The following DPP6 variants were observed in gnomAD, a reference collection of about 807,000 sequenced individuals.
DPP6 encodes the protein A-type potassium channel modulatory protein DPP6.
Under a neutral mutation model 122.6 loss-of-function variants are expected in DPP6, and 69 were observed. The observed-to-expected ratio is 0.56, with a 90% confidence interval of 0.46 to 0.69. DPP6 has a LOEUF of 0.69. Ranked by LOEUF, DPP6 falls within the 30% of genes least tolerant of loss-of-function variation. DPP6 has a pLI of 0.00. For missense variants in DPP6, 928 were observed against 1,116.9 expected, an observed-to-expected ratio of 0.83 and a Z score of 2.41; for synonymous variants, 418 against 433.1, an observed-to-expected ratio of 0.97 and a Z score of 0.43.
intron 1 of DPP6, among the ~76,000 whole-genome samples, chr7:154,198,842 G>T (rs1344816934): frequency 6.6e-6 from 1 of 152,130 alleles, no homozygotes; most frequent in Non-Finnish European, 1.5e-5. Flanking sequence ...TTGGATGAGG[G>T]CCTGACGAGG....
intron 3 of DPP6, among the ~76,000 whole-genome samples, chr7:154,499,466 T>C (rs1431935352): frequency 1.3e-5 from 2 of 152,160 alleles, no homozygotes; most frequent in Non-Finnish European, 1.5e-5. Context: ...GTCCCTGCAG[T>C]GTGAGGCCAA....
intron 1 of DPP6, among the ~76,000 whole-genome samples, chr7:154,147,293 C>T (rs1360090079): frequency 6.6e-6 from 1 of 152,182 alleles, no homozygotes; most frequent in African/African-American, 2.4e-5. Flanking sequence ...AGTTCTCATT[C>T]TCTCGTCCAG....
chr7:154,645,145 C>A (rs1836374307), intron 6 of DPP6, among the ~76,000 whole-genome samples: 1 of 149,526 alleles, frequency 6.7e-6, no homozygotes, highest in Admixed American at 6.7e-5. Flanking sequence ...TCACTGCAAG[C>A]TCCGCCTCCC....
rs187001051 is a variant in DPP6 at position 154,711,981 on chromosome 7, G to A, written c.763-15786G>A. ...ACACACACACTCTTCTTCTCAGTAA[G>A]TTACCTGGAAGTTGTACTAATCTTT... On this transcript the variant is annotated intron_variant, in intron 7 of 25. Transcript: ENST00000377770. Among the ~76,000 whole-genome samples, 537 of 135,524 alleles carry A rather than the reference G, an allele frequency of 4.0e-3. 6 individuals are homozygous for A. The highest frequency in any genetic ancestry group is 0.014 in the African/African-American group (508 of 35,964). The allele number at this position is 135,524 out of a possible 152,430, so 88.9% of individuals were successfully genotyped here.
At position 154,605,239 on chromosome 7, in the gene DPP6, C is replaced by A. The variant is rs1833551350; in HGVS notation, c.628-32582C>A. On this transcript the variant is annotated intron_variant, in intron 5 of 25. Transcript: ENST00000377770. ...CAACCTTGATTATATTCCTAAAATACACCTTATTTAAATATGTTATTCTTT... is the reference window on the plus strand; with the variant it reads ...CAACCTTGATTATATTCCTAAAATAAACCTTATTTAAATATGTTATTCTTT... Among the ~76,000 whole-genome samples the A allele has an allele frequency of 1.7e-5, 2 of 119,552 alleles. 1 individual carries two copies. The highest frequency in any genetic ancestry group is 6.8e-4 in the South Asian group (2 of 2,942). The allele number at this position is 119,552 out of a possible 152,430, so 78.4% of individuals were successfully genotyped here. A position where few individuals can be genotyped will look rare whatever the true frequency, so the allele number is the denominator to read the frequency against.
At chr7:154,881,337 G>A (rs1347984462) in intron 21 of DPP6, among the ~76,000 whole-genome samples, 2 of 152,240 alleles carry the variant, frequency 1.3e-5, no homozygotes, top group African/African-American at 4.8e-5. Flanking sequence ...TTAGACGGAA[G>A]CACAGGTGTG....
chr7:154,256,222 A>T (rs764544729), intron 1 of DPP6, among the ~76,000 whole-genome samples: 18 of 152,350 alleles, frequency 1.2e-4, no homozygotes, highest in Middle Eastern at 3.4e-3. Context: ...ATTGGCTTTT[A>T]AAAAAGTCCA....
intron 1 of DPP6, among the ~76,000 whole-genome samples, chr7:154,060,299 C>T (rs1386838702): frequency 3.4e-5 from 4 of 117,320 alleles, no homozygotes; most frequent in Admixed American, 8.2e-5. Context: ...TCCCTCTTCC[C>T]CCCCTGGCTC....
chr7:154,670,281 T>G (rs886681167), intron 7 of DPP6, among the ~76,000 whole-genome samples: 1 of 152,210 alleles, frequency 6.6e-6, no homozygotes, highest in Non-Finnish European at 1.5e-5. Flanking sequence ...GCTATCTTCA[T>G]GGATTCCTTC....
intron 1 of DPP6, among the ~76,000 whole-genome samples, chr7:154,329,085 T>C (rs868738585): frequency 2.0e-5 from 3 of 152,248 alleles, no homozygotes; most frequent in Non-Finnish European, 4.4e-5. Flanking sequence ...TAGCCCTACT[T>C]ATCTCTTAAG....
At chr7:154,245,141 T>C (rs1373357005) in intron 1 of DPP6, among the ~76,000 whole-genome samples, 1 of 151,210 alleles carries the variant, frequency 6.6e-6, no homozygotes, top group African/African-American at 2.4e-5. Flanking sequence ...TTGGTAGAGA[T>C]GGGGTTTCAA....
intron 7 of DPP6, among the ~76,000 whole-genome samples, chr7:154,713,042 T>C (rs1043444419): frequency 4.6e-5 from 7 of 152,232 alleles, no homozygotes; most frequent in African/African-American, 1.7e-4. Flanking sequence ...TGGGTAAATA[T>C]ACCCATTCCA....
rs979300536 is a variant in DPP6, at chr7:154,483,735, C to T, written c.457+8698C>T. On this transcript the variant is annotated intron_variant, in intron 3 of 25. Transcript: ENST00000377770. The surrounding 1 kb of genome is among the most constrained non-coding windows in gnomAD (Gnocchi z 8.1). ...TTTGAGACGGAGTCTCGCTCTGTCG[C>T]CCAGGCTGGAGTGCAGTGGCACAAT... is the stretch of plus-strand genomic sequence containing the variant. 3.7e-4 allele frequency among the ~76,000 whole-genome samples: 57 copies of T among 152,340 alleles called. No homozygotes were observed. Among genetic ancestry groups the T allele is most frequent in the African/African-American group, 1.2e-3 (48 of 41,582 alleles).
At chr7:154,616,424 G>A (rs1021133017) in intron 5 of DPP6, among the ~76,000 whole-genome samples, 4 of 152,032 alleles carry the variant, frequency 2.6e-5, no homozygotes, top group African/African-American at 4.8e-5. Flanking sequence ...AAGTTCTAAC[G>A]CCCCCCTCCC....
intron 1 of DPP6, among the ~76,000 whole-genome samples, chr7:154,226,503 T>G (rs1800612085): frequency 6.6e-6 from 1 of 152,206 alleles, no homozygotes; most frequent in Non-Finnish European, 1.5e-5. Context: ...ACAGGGATTC[T>G]TCGGGGGGCC....
At chr7:154,166,660 C>T (rs1797267209) in intron 1 of DPP6, among the ~76,000 whole-genome samples, 3 of 141,702 alleles carry the variant, frequency 2.1e-5, no homozygotes, top group Admixed American at 6.7e-5. Flanking sequence ...GCTGTAATCC[C>T]GGCAATTTGG....
At chr7:153,985,503 C>A (rs71530437) in intron 1 of DPP6, among the ~76,000 whole-genome samples, 7 of 152,190 alleles carry the variant, frequency 4.6e-5, no homozygotes, top group African/African-American at 7.2e-5. Flanking sequence ...GACCAGCCAG[C>A]CTCCCATTCT....
At position 154,061,851 on chromosome 7, in the gene DPP6, C is replaced by T. The variant is rs1331454706; in HGVS notation, c.243+8788C>T. On this transcript the variant is annotated intron_variant, in intron 1 of 25. Transcript: ENST00000377770. ...CCCCCTTTGCTCTTAGGATCCCCATCGCTGGGGGCGGAGGCACCCCCCGCG... is the reference window on the plus strand; with the variant it reads ...CCCCCTTTGCTCTTAGGATCCCCATTGCTGGGGGCGGAGGCACCCCCCGCG... 3.0e-5 allele frequency among the ~76,000 whole-genome samples: 4 copies of T among 131,210 alleles called. 1 individual carries two copies. Among genetic ancestry groups the T allele is most frequent in the Admixed American group, 7.4e-5 (1 of 13,464 alleles). The allele number at this position is 131,210 out of a possible 152,430, so 86.1% of individuals were successfully genotyped here.
At chr7:154,808,580 G>C (rs999608984) in intron 16 of DPP6, among the ~76,000 whole-genome samples, 1 of 152,142 alleles carries the variant, frequency 6.6e-6, no homozygotes, top group African/African-American at 2.4e-5. Flanking sequence ...GCCAGAAGTT[G>C]AGTGGATTCC....
Sources: allele counts gnomAD v4.1 joint callset (sites outside exome capture counted in the v4.1 genomes callset), GRCh38; gene constraint gnomAD v4.1.1; non-coding constraint Gnocchi (gnomAD v3.1); transcripts MANE v1.5; gene names NCBI Gene and HGNC (gene_info 2026-07-23, HGNC 2026-07-21).